Variants in UHRF2 observed in about 807,000 individuals in gnomAD.
UHRF2 encodes ubiquitin like with PHD and ring finger domains 2.
UHRF2 carries 23 observed loss-of-function variants against 96.8 expected under a neutral mutation model. The ratio of observed to expected loss-of-function variants is 0.24; its 90% CI spans 0.17 to 0.34. UHRF2 has a LOEUF of 0.34. UHRF2 is among the 10% of genes least tolerant of loss of function. UHRF2 has a pLI of 1.00. For missense variants in UHRF2, 685 were observed against 981.5 expected, an observed-to-expected ratio of 0.70 and a Z score of 4.04; for synonymous variants, 385 against 332.6, an observed-to-expected ratio of 1.16 and a Z score of -1.72.
In UHRF2 at chr9:6,475,831, G is replaced by A. The variant is rs182137469; in HGVS notation, c.973+331G>A. 2.6e-4 allele frequency among the ~76,000 whole-genome samples: 40 copies of A among 152,078 alleles called. No homozygotes were observed. In the East Asian group the frequency reaches 7.4e-3, roughly 28 times the overall value. ...TACAGTGTGTAAATGATCAAATCTG[G>A]GAAACTGGGATATTCATCACCTCAA... On this transcript the variant is annotated intron_variant, in intron 5 of 15. Coordinates refer to ENST00000276893, the MANE Select transcript of UHRF2 (RefSeq NM_152896.3).
chr9:6,492,448 T>A (rs1824716385), intron 9 of UHRF2: 2 of 768,770 alleles, frequency 2.6e-6, no homozygotes, highest in Admixed American at 1.2e-4. Flanking sequence ...TACTAAAGAT[T>A]AAGTTTCGTA....
At chr9:6,469,732 A>G (rs1823117868) in intron 4 of UHRF2, among the ~76,000 whole-genome samples, 1 of 150,870 alleles carries the variant, frequency 6.6e-6, no homozygotes, top group Non-Finnish European at 1.5e-5. Context: ...GTGCATATAT[A>G]CGTGTATATA....
At chr9:6,474,791 A>AAC (rs1563787827) in intron 4 of UHRF2, among the ~76,000 whole-genome samples, 1 of 152,246 alleles carries the variant, frequency 6.6e-6, no homozygotes, top group African/African-American at 2.4e-5. Flanking sequence ...AGTATATACA[A>AAC]ACAAATATGA....
chr9:6,420,090 T>A (rs1819842052), intron 1 of UHRF2, among the ~76,000 whole-genome samples: 1 of 151,016 alleles, frequency 6.6e-6, no homozygotes, highest in Admixed American at 6.6e-5. Flanking sequence ...ACAGTCTCCC[T>A]CTGTTGCCCA....
intron 3 of UHRF2, among the ~76,000 whole-genome samples, chr9:6,443,855 A>G (rs530870289): frequency 2.0e-5 from 3 of 152,198 alleles, no homozygotes; most frequent in Non-Finnish European, 4.4e-5. Flanking sequence ...ACGTCTTAAA[A>G]TATGTTGTCT....
chr9:6,459,649 A>G (rs1822404407), intron 3 of UHRF2, among the ~76,000 whole-genome samples: 1 of 152,226 alleles, frequency 6.6e-6, no homozygotes, highest in African/African-American at 2.4e-5. Flanking sequence ...AGCCTGGCTG[A>G]CAGAGTAAGA....
At chr9:6,423,820 C>G (rs571523329) in intron 2 of UHRF2, among the ~76,000 whole-genome samples, 2 of 151,962 alleles carry the variant, frequency 1.3e-5, no homozygotes, top group South Asian at 4.2e-4. Flanking sequence ...TGGCAGGTGC[C>G]TGTAATCCCA....
chr9:6,447,266 A>G (rs749797863), intron 3 of UHRF2, among the ~76,000 whole-genome samples: 10 of 152,150 alleles, frequency 6.6e-5, no homozygotes, highest in Admixed American at 5.9e-4. Context: ...ACTTTATTAT[A>G]TATTTGATTA....
At chr9:6,449,812 G>C (rs1587811034) in intron 3 of UHRF2, among the ~76,000 whole-genome samples, 2 of 152,278 alleles carry the variant, frequency 1.3e-5, no homozygotes, top group South Asian at 4.1e-4. Context: ...TATCTTGAAT[G>C]CTCTAATCTG....
At chr9:6,426,977 G>GACCTCAGGTGATC (rs149601289) in intron 2 of UHRF2, among the ~76,000 whole-genome samples, 104,910 of 151,170 alleles carry the variant, frequency 0.69, 39,043 homozygotes, top group South Asian at 0.83. Flanking sequence ...TTGAACTCCT[G>GACCTCAGGTGATC]ACCTCAGGTG....
At chr9:6,439,656 A>G (rs1305255574) in intron 3 of UHRF2, among the ~76,000 whole-genome samples, 4 of 152,184 alleles carry the variant, frequency 2.6e-5, no homozygotes, top group African/African-American at 9.7e-5. Context: ...GTAGAACTCA[A>G]CCTAATCAGT....
chr9:6,436,089 C>A (rs10758792), intron 3 of UHRF2, among the ~76,000 whole-genome samples: 106,176 of 152,110 alleles, frequency 0.7, 39,611 homozygotes, highest in Non-Finnish European at 0.82. Context: ...TCAAGTAATA[C>A]ATTAATATGT....
chr9:6,444,518 A>G (rs548901105), intron 3 of UHRF2, among the ~76,000 whole-genome samples: 2 of 152,186 alleles, frequency 1.3e-5, no homozygotes, highest in Non-Finnish European at 2.9e-5. Flanking sequence ...TCACCCATGT[A>G]AGGTGTTTAA....
Position 6,413,465 on chromosome 9 carries a change from G to A in UHRF2, c.-26G>A. 1.3e-6 allele frequency: 2 copies of A among 1,512,004 alleles called. No homozygotes were observed. Among genetic ancestry groups the A allele is most frequent in the Non-Finnish European group, 1.8e-6 (2 of 1,122,716 alleles). The allele number at this position is 1,512,004 out of a possible 1,614,324, so 93.7% of individuals were successfully genotyped here. On this transcript the variant is annotated 5_prime_UTR_variant, in exon 1 of 16. Transcript: ENST00000276893. The stretch of plus-strand genomic sequence containing the variant: ...CCCAGAGCTCAGGGGGAGACAAAGG[G>A]GACCGGTTCCTCTCTAGGCGCCAAG...
Position 6,413,433 on chromosome 9 carries a change from C to CT in UHRF2, c.-58_-57insT, listed in dbSNP as rs1819405280. ...GGAAAGCGGCGCGGGCCGGGCGGGGCGCGGCGCCCAGAGCTCAGGGGGAGA... is the reference window on the plus strand; with the variant it reads ...GGAAAGCGGCGCGGGCCGGGCGGGGCTGCGGCGCCCAGAGCTCAGGGGGAGA... On this transcript the variant is annotated 5_prime_UTR_variant, in exon 1 of 16. Coordinates refer to ENST00000276893, the MANE Select transcript of UHRF2 (RefSeq NM_152896.3). The CT allele has an allele frequency of 3.0e-6, 4 of 1,319,284 alleles. No individual in the cohort carries two copies. Among genetic ancestry groups the CT allele is most frequent in the South Asian group, 5.1e-5 (2 of 39,302 alleles). 81.7% of individuals were successfully genotyped at this position (1,319,284 alleles called of 1,614,324 possible).
intron 5 of UHRF2, among the ~76,000 whole-genome samples, chr9:6,477,260 C>T (rs984388769): frequency 3.1e-4 from 46 of 149,074 alleles, no homozygotes; most frequent in African/African-American, 1.1e-3. Context: ...TGTGGTGGCT[C>T]ACATCTGTAA....
intron 3 of UHRF2, among the ~76,000 whole-genome samples, chr9:6,435,191 A>G (rs373857632): frequency 6.6e-6 from 1 of 152,018 alleles, no homozygotes; most frequent in African/African-American, 2.4e-5. Flanking sequence ...ATGGGGTTTC[A>G]CCATGTTGGC....
chr9:6,497,593 T>C (rs1825045427), intron 11 of UHRF2, among the ~76,000 whole-genome samples: 1 of 151,294 alleles, frequency 6.6e-6, no homozygotes, highest in African/African-American at 2.4e-5. Context: ...TTTTTTAAAA[T>C]GTAAGTGTAT....
At chr9:6,424,179 G>C (rs192561947) in intron 2 of UHRF2, among the ~76,000 whole-genome samples, 1 of 152,302 alleles carries the variant, frequency 6.6e-6, no homozygotes, top group East Asian at 1.9e-4. Flanking sequence ...ATGGATACCT[G>C]GGAGAGCTGA....
Sources: allele counts gnomAD v4.1 joint callset (sites outside exome capture counted in the v4.1 genomes callset), GRCh38; gene constraint gnomAD v4.1.1; transcripts MANE v1.5; gene names NCBI Gene and HGNC (gene_info 2026-07-23, HGNC 2026-07-21).